GNAO1: variants seen among roughly 807,000 people sequenced by gnomAD.
The protein encoded by GNAO1 is guanine nucleotide-binding protein G(o) subunit alpha.
For synonymous variants in GNAO1, 164 were observed against 180.7 expected, an observed-to-expected ratio of 0.91 and a Z score of 0.74; for missense variants, 166 against 478.7, an observed-to-expected ratio of 0.35 and a Z score of 6.10.
At chr16:56,265,924 G>T (rs1401435386) in intron 2 of GNAO1, among the ~76,000 whole-genome samples, 1 of 152,070 alleles carries the variant, frequency 6.6e-6, no homozygotes, top group Non-Finnish European at 1.5e-5. Context: ...TTCAAGCCCT[G>T]CTGGTTCCTC....
At chr16:56,334,895 T>G (rs772174223) in intron 5 of GNAO1, 38 bp downstream of exon 5, 2 of 1,609,186 alleles carry the variant, frequency 1.2e-6, no homozygotes, top group African/African-American at 2.7e-5. Context: ...TGGCGAGGGC[T>G]AAGATGGGAC....
chr16:56,346,928 T>A, intron 6 of GNAO1: 1 of 985,450 alleles, frequency 1.0e-6, no homozygotes, highest in Non-Finnish European at 1.2e-6. Flanking sequence ...TTGGCCAACA[T>A]GAGTCCTGCA....
At chr16:56,254,180 G>C (rs1188176315) in intron 2 of GNAO1, among the ~76,000 whole-genome samples, 2 of 152,010 alleles carry the variant, frequency 1.3e-5, no homozygotes, top group Non-Finnish European at 2.9e-5. Context: ...CCAGATTCAA[G>C]GAATGCAGGG....
In GNAO1 at chr16:56,292,994, G is replaced by A. The variant is rs113684983; in HGVS notation, c.303+16922G>A. ...GGGTTGCCCTGTCCCACGTAGGCCC[G>A]AGCCAACTCCCCTGTGGTCAGTGGT... On this transcript the variant is annotated intron_variant, in intron 3 of 8. Coordinates refer to ENST00000262493, the MANE Select transcript of GNAO1 (RefSeq NM_020988.3). 5.3e-3 allele frequency among the ~76,000 whole-genome samples: 808 copies of A among 152,248 alleles called. 8 individuals carry two copies. The highest frequency in any genetic ancestry group is 0.018 in the African/African-American group (739 of 41,552).
intron 2 of GNAO1, among the ~76,000 whole-genome samples, chr16:56,231,674 C>T (rs888924474): frequency 1.3e-5 from 2 of 152,166 alleles, no homozygotes; most frequent in Non-Finnish European, 1.5e-5. Context: ...AATCTGAATG[C>T]AGACTGTGTT....
chr16:56,340,877 A>G (rs1176989847), intron 6 of GNAO1: 1 of 1,613,986 alleles, frequency 6.2e-7, no homozygotes, highest in Admixed American at 1.7e-5. Flanking sequence ...AGCATCTGCA[A>G]CAACAAATGG....
At chr16:56,207,817 G>A (rs1388111901) in intron 2 of GNAO1, among the ~76,000 whole-genome samples, 1 of 152,208 alleles carries the variant, frequency 6.6e-6, no homozygotes, top group African/African-American at 2.4e-5. Context: ...CATTTTTGTT[G>A]TGATGTAGAT....
intron 5 of GNAO1, 167 bp from the exon 6 acceptor site, chr16:56,336,564 A>C: frequency 1.7e-6 from 1 of 599,302 alleles, no homozygotes; most frequent in South Asian, 2.0e-5. Context: ...GCAGTGATCC[A>C]GCTGTCTGTC....
At chr16:56,206,245 G>A (rs763614894) in intron 2 of GNAO1, among the ~76,000 whole-genome samples, 5 of 151,430 alleles carry the variant, frequency 3.3e-5, no homozygotes, top group African/African-American at 7.3e-5. Flanking sequence ...ACTTGAACCC[G>A]GTAGGCAGAG....
chr16:56,341,130 T>C, intron 6 of GNAO1: 2 of 708,948 alleles, frequency 2.8e-6, no homozygotes, highest in South Asian at 1.8e-5. Flanking sequence ...TGCCCCCAGA[T>C]TGTGCTCTAG....
chr16:56,263,622 T>A (rs1484825477), intron 2 of GNAO1, among the ~76,000 whole-genome samples: 2 of 152,208 alleles, frequency 1.3e-5, no homozygotes, highest in Admixed American at 1.3e-4. Context: ...AGCTCCTCAA[T>A]CTTTTGTCCA....
chr16:56,223,101 A>G (rs1437043294), intron 2 of GNAO1, among the ~76,000 whole-genome samples: 5 of 152,238 alleles, frequency 3.3e-5, no homozygotes, highest in Non-Finnish European at 7.3e-5. Flanking sequence ...TCTATTGGTC[A>G]GAAGCCCCAT....
chr16:56,318,417 C>G (rs1004542031), intron 3 of GNAO1, among the ~76,000 whole-genome samples: 3 of 152,236 alleles, frequency 2.0e-5, no homozygotes, highest in Admixed American at 6.5e-5. Context: ...CCGCCGGGCC[C>G]GGCCCTGCAA....
intron 3 of GNAO1, among the ~76,000 whole-genome samples, chr16:56,321,926 A>C (rs1479372386): frequency 2.6e-5 from 4 of 152,180 alleles, no homozygotes; most frequent in African/African-American, 9.7e-5. Context: ...AGAATACCAT[A>C]AGCTGGGTGG....
chr16:56,198,573 C>CCATAACATTT (rs796937669), intron 2 of GNAO1, among the ~76,000 whole-genome samples: 46 of 152,174 alleles, frequency 3.0e-4, no homozygotes, highest in African/African-American at 9.6e-4. Flanking sequence ...TACACAAGGC[C>CCATAACATTT]CATAACATTT....
chr16:56,235,696 G>A (rs1446662757), intron 2 of GNAO1, among the ~76,000 whole-genome samples: 4 of 152,218 alleles, frequency 2.6e-5, no homozygotes, highest in African/African-American at 9.6e-5. Context: ...GCAGCCAACA[G>A]CCTCTGTGTC....
chr16:56,262,945 T>C (rs1328595524), intron 2 of GNAO1, among the ~76,000 whole-genome samples: 1 of 152,234 alleles, frequency 6.6e-6, no homozygotes, highest in Non-Finnish European at 1.5e-5. Flanking sequence ...ATTTAACCGT[T>C]GGGTTTCAAA....
At chr16:56,245,672 G>T (rs139965410) in intron 2 of GNAO1, 180 of 154,590 alleles carry the variant, frequency 1.2e-3, no homozygotes, top group South Asian at 4.5e-3. Context: ...GCAATTCTTG[G>T]GTACAAGAAG....
At chr16:56,216,710 T>C (rs894293402) in intron 2 of GNAO1, among the ~76,000 whole-genome samples, 37 of 152,212 alleles carry the variant, frequency 2.4e-4, no homozygotes, top group African/African-American at 8.9e-4. Context: ...AAAGTGCACC[T>C]CCAAGCCCAG....
Sources: gnomAD v4.1 joint callset for allele counts (sites outside exome capture counted in the v4.1 genomes callset) on GRCh38, gnomAD v4.1.1 for gene constraint, MANE v1.5 for transcripts, NCBI Gene and HGNC (gene_info 2026-07-23, HGNC 2026-07-21) for gene names.